The following DNAH8 variants were observed in gnomAD, a reference collection of about 807,000 sequenced individuals.
DNAH8 encodes the protein dynein axonemal heavy chain 8, also known as axonemal beta dynein heavy chain 8.
Under a neutral mutation model 562.1 loss-of-function variants are expected in DNAH8, and 382 were observed. The ratio of observed to expected loss-of-function variants is 0.68; its 90% CI spans 0.63 to 0.74. The LOEUF (loss-of-function observed/expected upper bound fraction) is 0.74. Ranked by LOEUF, DNAH8 falls within the 30% of genes least tolerant of loss-of-function variation. DNAH8 has a pLI of 0.00. For synonymous variants in DNAH8, 1,881 were observed against 1,919.4 expected (o/e 0.98, Z 0.52); for missense variants, 5,203 against 5,620.4 (o/e 0.93, Z 2.37).
At chr6:38,853,088 C>A in intron 40 of DNAH8, 98 bp from the exon 41 acceptor site, 1 of 901,398 alleles carries the variant, frequency 1.1e-6, no homozygotes, top group Non-Finnish European at 1.7e-6. Flanking sequence ...AAACTGTTTG[C>A]TTGGCATAGG....
At chr6:38,856,750 A>G (rs1025755904) in intron 41 of DNAH8, among the ~76,000 whole-genome samples, 11 of 152,150 alleles carry the variant, frequency 7.2e-5, no homozygotes, top group Non-Finnish European at 1.6e-4. Flanking sequence ...TGTTGAGCCC[A>G]TGCCAAGCAG....
Position 38,898,394 on chromosome 6 carries a change from C to A in DNAH8, c.9063+14C>A. 6.5e-7 allele frequency: 1 copy of A among 1,535,918 alleles called. No homozygotes were observed. Among genetic ancestry groups the A allele is most frequent in the Non-Finnish European group, 8.7e-7 (1 of 1,150,904 alleles). On this transcript the variant is annotated intron_variant, in intron 61 of 92. Coordinates refer to ENST00000327475, the MANE Select transcript of DNAH8 (RefSeq NM_001206927.2). ...CATCTTATTAAGGTCCTAACTATTG[C>A]CTATTTACTGATATAAATAGATGAT... is the stretch of plus-strand genomic sequence containing the variant.
chr6:38,953,802 G>T (rs945687243), intron 82 of DNAH8, among the ~76,000 whole-genome samples: 1 of 151,406 alleles, frequency 6.6e-6, no homozygotes, highest in Non-Finnish European at 1.5e-5. Flanking sequence ...ATCATAGAAT[G>T]CTTCAGGTGA....
chr6:38,741,267 GT>G (rs1764495913), intron 7 of DNAH8, among the ~76,000 whole-genome samples: 1 of 152,084 alleles, frequency 6.6e-6, no homozygotes, highest in African/African-American at 2.4e-5. Context: ...GCTGTCTGTG[GT>G]AGCACTTGCC....
chr6:38,842,548 A>G, intron 34 of DNAH8, 43 bp downstream of exon 34: 1 of 1,598,780 alleles, frequency 6.3e-7, no homozygotes, highest in Non-Finnish European at 8.5e-7. Flanking sequence ...TCTTCTTAGG[A>G]TCCTATAGGT....
intron 17 of DNAH8, among the ~76,000 whole-genome samples, chr6:38,784,201 G>T (rs1768924768): frequency 6.6e-6 from 1 of 152,188 alleles, no homozygotes; most frequent in Admixed American, 6.5e-5. Context: ...GTAGGACCCT[G>T]TGGACTCTAA....
chr6:38,872,602 A>G lies in DNAH8; in HGVS notation c.7057A>G (p.Thr2353Ala). The part of the protein sequence containing the change: ...TLGPSGSGKT[T>A]VITILMKAQT... Reference sequence around the variant, plus strand: ...TGGGCCCAGTGGTTCTGGAAAGACAACCGTTATCACGATTCTAATGAAGGC... The same window carrying G: ...TGGGCCCAGTGGTTCTGGAAAGACAGCCGTTATCACGATTCTAATGAAGGC... Residue 2353 changes from threonine (T) to alanine (A), a missense_variant, in exon 50 of 93, where the codon ACC (threonine) becomes GCC (alanine). Around this residue, in one of 6 missense-constraint regions of DNAH8, gnomAD observed 2,176 missense variants for 2,365.1 expected, o/e 0.92. Coordinates refer to ENST00000327475, the MANE Select transcript of DNAH8 (RefSeq NM_001206927.2). 6.2e-7 allele frequency: 1 copy of G among 1,614,092 alleles called. No individual in the cohort carries two copies. The highest frequency in any genetic ancestry group is 8.5e-7 in the Non-Finnish European group (1 of 1,179,962).
intron 82 of DNAH8, among the ~76,000 whole-genome samples, chr6:38,964,483 A>T (rs1029451723): frequency 2.0e-5 from 3 of 150,492 alleles, no homozygotes; most frequent in Non-Finnish European, 4.4e-5. Flanking sequence ...TGTGAATTTT[A>T]AAAAAATGTT....
rs773021947 is a variant in DNAH8, at chr6:38,938,129, A to G, written c.11719A>G (p.Ile3907Val). 20 of 1,614,004 alleles carry G rather than the reference A, an allele frequency of 1.2e-5. No homozygotes were observed. Among genetic ancestry groups the G allele is most frequent in the Non-Finnish European group, 1.6e-5 (19 of 1,180,028 alleles). ...CCGGCCCGCAGCCACCCGCGGAAGC[A>G]TCCTCTACTTCCTCATCACAGAGAT... ...EFRPAATRGS[I>V]LYFLITEMSM... Residue 3907 changes from isoleucine to valine, a missense_variant, in exon 78 of 93, where the codon ATC (isoleucine) becomes GTC (valine). Transcript: ENST00000327475.
intron 12 of DNAH8, among the ~76,000 whole-genome samples, chr6:38,773,937 T>G (rs1738266): frequency 0.25 from 38,679 of 152,002 alleles, 5,499 homozygotes; most frequent in East Asian, 0.46. Flanking sequence ...ACAAGACTGA[T>G]GTTGGGGTTG....
At chr6:39,013,275 T>A (rs969512306) in intron 91 of DNAH8, among the ~76,000 whole-genome samples, 2 of 152,246 alleles carry the variant, frequency 1.3e-5, no homozygotes, top group Non-Finnish European at 2.9e-5. Flanking sequence ...TTCAAGTAAT[T>A]CTTGGTGAAA....
At chr6:38,979,969 G>T (rs1348904156) in intron 85 of DNAH8, among the ~76,000 whole-genome samples, 2 of 152,184 alleles carry the variant, frequency 1.3e-5, no homozygotes, top group Non-Finnish European at 2.9e-5. Context: ...AAGTCCTCAA[G>T]ATGGAAGAAA....
intron 26 of DNAH8, among the ~76,000 whole-genome samples, chr6:38,820,158 T>C (rs1438111308): frequency 6.6e-6 from 1 of 151,206 alleles, no homozygotes; most frequent in African/African-American, 2.4e-5. Flanking sequence ...AGGTAGGGGG[T>C]CCTGCCCTGC....
intron 82 of DNAH8, among the ~76,000 whole-genome samples, chr6:38,955,961 C>A (rs1365936883): frequency 6.6e-6 from 1 of 152,230 alleles, no homozygotes; most frequent in Non-Finnish European, 1.5e-5. Flanking sequence ...TGGCTATAGC[C>A]CTTTTTGGCC....
intron 11 of DNAH8, chr6:38,763,716 A>G: frequency 6.2e-6 from 1 of 160,214 alleles, no homozygotes; most frequent in South Asian, 1.9e-4. Flanking sequence ...CTGAGGTAGG[A>G]TAATTGCTTG....
intron 53 of DNAH8, 138 bp downstream of exon 53, chr6:38,875,966 G>C: frequency 1.6e-6 from 1 of 636,302 alleles, no homozygotes; most frequent in Non-Finnish European, 2.7e-6. Context: ...AAAAGAGCAT[G>C]TATTTGAAAG....
chr6:38,720,648 T>G (rs1290655395), intron 1 of DNAH8, among the ~76,000 whole-genome samples: 1 of 152,158 alleles, frequency 6.6e-6, no homozygotes, highest in African/African-American at 2.4e-5. Flanking sequence ...CAGAGAAGAC[T>G]GGAGTAAATA....
chr6:38,965,185 T>A (rs1168154596), intron 82 of DNAH8, among the ~76,000 whole-genome samples: 2 of 151,876 alleles, frequency 1.3e-5, no homozygotes, highest in African/African-American at 4.8e-5. Flanking sequence ...GAGTCAGATA[T>A]GTTTCAGAAA....
chr6:38,774,175 G>A (rs1411661213), intron 12 of DNAH8, among the ~76,000 whole-genome samples: 1 of 152,156 alleles, frequency 6.6e-6, no homozygotes, highest in Non-Finnish European at 1.5e-5. Flanking sequence ...GTTTCCCAGA[G>A]CTCTATCTTC....
Sources: gnomAD v4.1 joint callset for allele counts (sites outside exome capture counted in the v4.1 genomes callset) on GRCh38, gnomAD v4.1.1 for gene constraint, gnomAD v4.1.1 regional missense constraint, MANE v1.5 for transcripts, NCBI Gene and HGNC (gene_info 2026-07-23, HGNC 2026-07-21) for gene names.